Variants in SUCLG2 observed in about 807,000 individuals in gnomAD.
SUCLG2 encodes succinate--CoA ligase [GDP-forming] subunit beta, mitochondrial.
In SUCLG2, 42 loss-of-function variants were observed where a neutral mutation model predicts 47.9. The observed-to-expected ratio is 0.88, with a 90% CI of 0.69 to 1.14. SUCLG2 has a LOEUF of 1.14. Ranked by LOEUF, SUCLG2 falls within the 50% of genes most tolerant of loss-of-function variation. The probability of loss-of-function intolerance (pLI) is 0.00; values close to 1 mark genes in which losing one functional copy is unlikely to be tolerated. For missense variants in SUCLG2, 571 were observed against 525.9 expected (o/e 1.09, Z -0.84); for synonymous variants, 195 against 197.3 (o/e 0.99, Z 0.10).
Position 67,627,649 on chromosome 3 carries a change from T to C in SUCLG2, c.85-18053A>G, listed in dbSNP as rs1700857380. Among the ~76,000 whole-genome samples the C allele has an allele frequency of 2.0e-5, 3 of 152,238 alleles. 1 individual carries two copies. The highest frequency in any genetic ancestry group is 4.1e-4 in the South Asian group (2 of 4,836). ...GGGTCTGCCCATATGGGGCACACTA[T>C]AGGGAGACTAAAGGGCTGGCAGATA... is the stretch of plus-strand genomic sequence containing the variant. On this transcript the variant is annotated intron_variant, in intron 1 of 10. Transcript: ENST00000307227.
intron 9 of SUCLG2, among the ~76,000 whole-genome samples, chr3:67,444,090 C>G (rs866682023): frequency 1.0e-5 from 1 of 96,206 alleles, no homozygotes; most frequent in Admixed American, 1.2e-4. Flanking sequence ...TGGCCAGCCG[C>G]GCCGTCCGGG....
chr3:67,645,449 C>A (rs1701174006), intron 1 of SUCLG2, among the ~76,000 whole-genome samples: 1 of 152,170 alleles, frequency 6.6e-6, no homozygotes, highest in South Asian at 2.1e-4. Flanking sequence ...CTCAGCCATT[C>A]AGTCCTTCTG....
downstream of SUCLG2, among the ~76,000 whole-genome samples, chr3:67,373,096 CACT>C (rs370746947): frequency 3.0e-4 from 45 of 152,266 alleles, 1 homozygote; most frequent in East Asian, 3.3e-3. Context: ...TTTCCTTCCC[CACT>C]ATGATATATA....
At chr3:67,378,395 T>C (rs1702081619) in intron 10 of SUCLG2, among the ~76,000 whole-genome samples, 1 of 152,204 alleles carries the variant, frequency 6.6e-6, no homozygotes, top group Non-Finnish European at 1.5e-5. Flanking sequence ...CAAACTACCC[T>C]GCTATGAGCT....
chr3:67,459,947 C>A (rs945396711), intron 9 of SUCLG2, among the ~76,000 whole-genome samples: 2 of 151,932 alleles, frequency 1.3e-5, no homozygotes, highest in African/African-American at 4.8e-5. Flanking sequence ...GGCTCCCTTC[C>A]CAGCTGCTTC....
intron 9 of SUCLG2, among the ~76,000 whole-genome samples, chr3:67,490,588 T>C (rs1705179109): frequency 6.6e-6 from 1 of 152,230 alleles, no homozygotes; most frequent in Non-Finnish European, 1.5e-5. Flanking sequence ...GTAACACTGA[T>C]TATCACTGAA....
At chr3:67,457,684 C>CTTTTTTTTTT (rs71109889) in intron 9 of SUCLG2, among the ~76,000 whole-genome samples, 3 of 65,510 alleles carry the variant, frequency 4.6e-5, no homozygotes, top group Admixed American at 1.9e-4. Context: ...ACAAAAGCAG[C>CTTTTTTTTTT]TTTTTTTTTT....
chr3:67,628,918 C>T (rs1028843718), intron 1 of SUCLG2, among the ~76,000 whole-genome samples: 5 of 152,082 alleles, frequency 3.3e-5, no homozygotes, highest in East Asian at 3.9e-4. Flanking sequence ...CACAGGAGAA[C>T]GTTATCAGTG....
intron 9 of SUCLG2, among the ~76,000 whole-genome samples, chr3:67,423,181 G>A (rs1188802725): frequency 1.3e-5 from 2 of 152,090 alleles, no homozygotes; most frequent in African/African-American, 2.4e-5. Context: ...TGCTGTTCGT[G>A]TGACACTGAG....
At chr3:67,442,835 A>T (rs754449279) in intron 9 of SUCLG2, among the ~76,000 whole-genome samples, 4 of 152,148 alleles carry the variant, frequency 2.6e-5, no homozygotes, top group Non-Finnish European at 4.4e-5. Flanking sequence ...CCCTGTAATT[A>T]ATCATTTCCC....
intron 10 of SUCLG2, among the ~76,000 whole-genome samples, chr3:67,393,701 G>A (rs544057530): frequency 4.6e-5 from 7 of 152,316 alleles, no homozygotes; most frequent in Admixed American, 2.6e-4. Context: ...GGAGATCTGA[G>A]AACGGGCAGA....
chr3:67,599,103 T>C (rs1708359158), intron 2 of SUCLG2, among the ~76,000 whole-genome samples: 1 of 152,174 alleles, frequency 6.6e-6, no homozygotes, highest in African/African-American at 2.4e-5. Flanking sequence ...CTCATTTCAC[T>C]CTCCTGGCTC....
At chr3:67,559,678 A>G (rs552789285) in intron 2 of SUCLG2, among the ~76,000 whole-genome samples, 2 of 152,344 alleles carry the variant, frequency 1.3e-5, no homozygotes, top group Admixed American at 6.5e-5. Context: ...TAAAATTATC[A>G]GAGGTGAAAC....
At position 67,366,943 on chromosome 3, in the gene SUCLG2, C is replaced by G. The variant is rs868533825; in HGVS notation, c.1184-6175G>C. On this transcript the variant is annotated intron_variant, in intron 10 of 10. Transcript: ENST00000493112. ...TACTGTTTGACATTCATCACTGGAACAAAATGTGGCATAATTTCAAATACT... is the reference window on the plus strand; with the variant it reads ...TACTGTTTGACATTCATCACTGGAAGAAAATGTGGCATAATTTCAAATACT... Among the ~76,000 whole-genome samples the G allele has an allele frequency of 4.6e-5, 7 of 152,300 alleles. No homozygotes were observed. The Middle Eastern group carries it at 0.02, about 444-fold the overall frequency.
chr3:67,392,505 G>A (rs1702412468), intron 10 of SUCLG2, among the ~76,000 whole-genome samples: 1 of 152,108 alleles, frequency 6.6e-6, no homozygotes, highest in Admixed American at 6.5e-5. Context: ...CAATTTCCAG[G>A]TAAATAATCT....
intron 9 of SUCLG2, among the ~76,000 whole-genome samples, chr3:67,474,633 T>C (rs1286883914): frequency 6.6e-6 from 1 of 152,218 alleles, no homozygotes; most frequent in African/African-American, 2.4e-5. Context: ...AGTTTTAAAA[T>C]AGTTTTTTAA....
chr3:67,618,159 C>G (rs1202654562), intron 1 of SUCLG2, among the ~76,000 whole-genome samples: 1 of 152,162 alleles, frequency 6.6e-6, no homozygotes, highest in Non-Finnish European at 1.5e-5. Context: ...CAGTGGCTCA[C>G]ACCTGTAATA....
At chr3:67,435,816 G>A (rs776375327) in intron 9 of SUCLG2, among the ~76,000 whole-genome samples, 6 of 152,050 alleles carry the variant, frequency 3.9e-5, no homozygotes, top group South Asian at 2.1e-4. Flanking sequence ...ACTTCACTTA[G>A]GAACAAACAC....
intron 2 of SUCLG2, among the ~76,000 whole-genome samples, chr3:67,537,842 T>C (rs1444700858): frequency 6.6e-6 from 1 of 152,230 alleles, no homozygotes; most frequent in African/African-American, 2.4e-5. Flanking sequence ...CTTTTTTTCA[T>C]GTTTGTTGGC....
Sources: gnomAD v4.1 joint callset for allele counts (sites outside exome capture counted in the v4.1 genomes callset) on GRCh38, gnomAD v4.1.1 for gene constraint, MANE v1.5 for transcripts, NCBI Gene and HGNC (gene_info 2026-07-23, HGNC 2026-07-21) for gene names.